MYO1E: variants seen among roughly 807,000 people sequenced by gnomAD.
MYO1E encodes the protein unconventional myosin-Ie.
MYO1E carries 68 observed loss-of-function variants against 151.1 expected under a neutral mutation model. The ratio of observed to expected loss-of-function variants is 0.45; its 90% CI spans 0.37 to 0.55. The LOEUF (loss-of-function observed/expected upper bound fraction) is 0.55, where lower values mean the gene tolerates loss of function less well. Ranked by LOEUF, MYO1E falls within the 20% of genes least tolerant of loss-of-function variation. The pLI is 0.00. For synonymous variants in MYO1E, 601 were observed against 501.7 expected (o/e 1.20, Z -2.64); for missense variants, 1,363 against 1,389.3 (o/e 0.98, Z 0.30).
At chr15:59,232,388 C>T (rs2080033671) in intron 5 of MYO1E, among the ~76,000 whole-genome samples, 3 of 152,232 alleles carry the variant, frequency 2.0e-5, no homozygotes, top group South Asian at 2.1e-4. Flanking sequence ...TTGTAGCCAG[C>T]TCCCTGGTGT....
intron 22 of MYO1E, among the ~76,000 whole-genome samples, chr15:59,165,295 G>A (rs753962968): frequency 3.9e-5 from 6 of 152,180 alleles, no homozygotes; most frequent in Non-Finnish European, 7.3e-5. Context: ...CTGGAAGCAA[G>A]AGGCCAGTGT....
intron 1 of MYO1E, among the ~76,000 whole-genome samples, chr15:59,275,353 C>T (rs2080312087): frequency 6.6e-6 from 1 of 152,052 alleles, no homozygotes; most frequent in Non-Finnish European, 1.5e-5. Flanking sequence ...TTTTTTATAT[C>T]CAATAGGTCA....
intron 18 of MYO1E, among the ~76,000 whole-genome samples, chr15:59,180,215 T>C (rs1184644244): frequency 2.0e-5 from 3 of 152,250 alleles, no homozygotes; most frequent in African/African-American, 4.8e-5. Flanking sequence ...TTAGCATGAA[T>C]AACATTCATA....
At chr15:59,178,658 C>T in intron 18 of MYO1E, 121 bp from the exon 19 acceptor site, 2 of 1,326,630 alleles carry the variant, frequency 1.5e-6, no homozygotes, top group Non-Finnish European at 2.1e-6. Context: ...TACTGATCAT[C>T]TGTTTACCAG....
At chr15:59,324,303 T>TA (rs1293437953) in intron 1 of MYO1E, among the ~76,000 whole-genome samples, 123 of 150,766 alleles carry the variant, frequency 8.2e-4, no homozygotes, top group African/African-American at 2.1e-3. Context: ...GTTTTCAAAT[T>TA]AAAAAAAAAG....
intron 17 of MYO1E, among the ~76,000 whole-genome samples, chr15:59,193,905 GGT>G (rs1383913188): frequency 6.6e-6 from 1 of 152,070 alleles, no homozygotes; most frequent in African/African-American, 2.4e-5. Context: ...GGTCAGGGGT[GGT>G]GGCTCACACC....
chr15:59,242,623 T>A (rs6494085), intron 4 of MYO1E, among the ~76,000 whole-genome samples: 149,491 of 152,330 alleles, frequency 0.98, 73,401 homozygotes, highest in East Asian at 1. Context: ...CATACAGGTG[T>A]CCAGGAGTCA....
intron 4 of MYO1E, among the ~76,000 whole-genome samples, chr15:59,248,476 G>T (rs1387779630): frequency 1.0e-5 from 1 of 98,230 alleles, no homozygotes; most frequent in South Asian, 3.9e-4. Context: ...GACAGGGTGA[G>T]ACTCCATCTC....
intron 1 of MYO1E, among the ~76,000 whole-genome samples, chr15:59,352,864 G>C (rs2080831148): frequency 6.6e-6 from 1 of 152,150 alleles, no homozygotes; most frequent in Non-Finnish European, 1.5e-5. Flanking sequence ...AGGAGCCATT[G>C]AAAACTCTTT....
rs1284591149 is a variant in MYO1E, at chr15:59,223,158, C to A, written c.811G>T (p.Glu271Ter). ...AMNVIGIFAE[E>*]QTLVLQIVAG... ...ACTATCTGCAACACCAGCGTTTGCT[C>A]TTCTGCAAAGATCCCAATCACATTC... The change falls in exon 9 of 28, where the codon GAG becomes TAG. Residue 271 changes from glutamate (E) to a stop codon, truncating the protein, a stop_gained. Coordinates refer to ENST00000288235, the MANE Select transcript of MYO1E (RefSeq NM_004998.4). LOFTEE classifies it high-confidence loss of function. The A allele has an allele frequency of 1.9e-6, 3 of 1,614,058 alleles. No individual in the cohort carries two copies. Among genetic ancestry groups the A allele is most frequent in the African/African-American group, 1.3e-5 (1 of 74,908 alleles).
chr15:59,298,326 A>T lies in MYO1E; in HGVS notation c.4-25877T>A, dbSNP rs114584945. 6.0e-3 allele frequency among the ~76,000 whole-genome samples: 908 copies of T among 152,312 alleles called. 11 individuals are homozygous for T. Among genetic ancestry groups the T allele is most frequent in the African/African-American group, 0.021 (870 of 41,560 alleles). ...GTATGTGTTTGGGCTTCTTAGATAC[A>T]TGACTTCCTCACAGCCCGCTGAGTT... On this transcript the variant is annotated intron_variant, in intron 1 of 27. Coordinates refer to ENST00000288235, the MANE Select transcript of MYO1E (RefSeq NM_004998.4).
intron 1 of MYO1E, among the ~76,000 whole-genome samples, chr15:59,365,839 C>T (rs982501972): frequency 3.3e-5 from 5 of 152,240 alleles, no homozygotes; most frequent in Non-Finnish European, 4.4e-5. Context: ...CTAATTGTTC[C>T]GCCTTTGAGG....
At chr15:59,358,325 T>C (rs1567024216) in intron 1 of MYO1E, among the ~76,000 whole-genome samples, 1 of 152,100 alleles carries the variant, frequency 6.6e-6, no homozygotes, top group African/African-American at 2.4e-5. Flanking sequence ...TTACTTATGT[T>C]TCCTCACTTC....
intron 15 of MYO1E, among the ~76,000 whole-genome samples, chr15:59,204,490 G>C (rs1461291841): frequency 6.6e-6 from 1 of 152,226 alleles, no homozygotes; most frequent in African/African-American, 2.4e-5. Flanking sequence ...TCTAGAAATT[G>C]TAAGATCTGG....
rs145436216 is a variant in MYO1E at position 59,350,860 on chromosome 15, TTTG to T, written c.3+21635_3+21637del. 0.18 allele frequency among the ~76,000 whole-genome samples: 27,883 copies of T among 151,962 alleles called. 3,000 individuals are homozygous for T. Among genetic ancestry groups the T allele is most frequent in the East Asian group, 0.29 (1,495 of 5,138 alleles). On this transcript the variant is annotated intron_variant, in intron 1 of 27. Transcript: ENST00000288235. The surrounding 1 kb of genome is among the most constrained non-coding windows in gnomAD (Gnocchi z 5.0). ...GAGGCTTCCAGGAAATGAGTCTTTA[TTTG>T]TTGTTGTTGTTGTTTGTTTGGTTGG...
In MYO1E at chr15:59,151,209, C is replaced by T. The variant is rs144234658; in HGVS notation, c.3080+2381G>A. ...ATGGGAGGACAAGGCAGGCAGATGACGAGGTCAAGAGATCGAGACCATCCT... is the reference window on the plus strand; with the variant it reads ...ATGGGAGGACAAGGCAGGCAGATGATGAGGTCAAGAGATCGAGACCATCCT... On this transcript the variant is annotated intron_variant, in intron 26 of 27. Coordinates refer to ENST00000288235, the MANE Select transcript of MYO1E (RefSeq NM_004998.4). Among the ~76,000 whole-genome samples, 925 of 151,784 alleles carry T rather than the reference C, an allele frequency of 6.1e-3. 24 individuals are homozygous for T. Among genetic ancestry groups the T allele is most frequent in the East Asian group, 0.032 (163 of 5,128 alleles).
At chr15:59,182,205 A>G (rs115359298) in intron 18 of MYO1E, among the ~76,000 whole-genome samples, 2,634 of 152,114 alleles carry the variant, frequency 0.017, 69 homozygotes, top group African/African-American at 0.058. Flanking sequence ...TCCTCCCAGT[A>G]TTCTTTTTTT....
At chr15:59,366,801 G>A (rs938709835) in intron 1 of MYO1E, among the ~76,000 whole-genome samples, 47 of 151,916 alleles carry the variant, frequency 3.1e-4, no homozygotes, top group Non-Finnish European at 4.4e-5. Context: ...AACACAATTT[G>A]TTTACCACTA....
chr15:59,364,538 A>C (rs911504029), intron 1 of MYO1E, among the ~76,000 whole-genome samples: 3 of 152,230 alleles, frequency 2.0e-5, no homozygotes, highest in African/African-American at 4.8e-5. Context: ...TTATCAAGAA[A>C]AAGGATTTGT....
Sources: allele counts gnomAD v4.1 joint callset (sites outside exome capture counted in the v4.1 genomes callset), GRCh38; gene constraint gnomAD v4.1.1; non-coding constraint Gnocchi (gnomAD v3.1); transcripts MANE v1.5; gene names NCBI Gene and HGNC (gene_info 2026-07-23, HGNC 2026-07-21).